Variants in WDR7 observed in about 807,000 individuals in gnomAD.
WDR7 encodes the protein WD repeat-containing protein 7.
WDR7 carries 46 observed loss-of-function variants against 169.4 expected under a neutral mutation model. The observed-to-expected ratio is 0.27, with a 90% CI of 0.21 to 0.35. WDR7 has a LOEUF of 0.35. WDR7 is among the 10% of genes least tolerant of loss of function. The pLI is 1.00. For synonymous variants in WDR7, 612 were observed against 666.8 expected, an observed-to-expected ratio of 0.92 and a Z score of 1.27; for missense variants, 1,534 against 1,859.3, an observed-to-expected ratio of 0.83 and a Z score of 3.22.
intron 2 of WDR7, among the ~76,000 whole-genome samples, chr18:56,678,839 C>G (rs557894742): frequency 2.0e-5 from 3 of 152,266 alleles, no homozygotes; most frequent in African/African-American, 7.2e-5. Flanking sequence ...CCTTGATGGG[C>G]TTGGACAAGA....
chr18:56,853,778 T>C (rs2045676321), intron 20 of WDR7, among the ~76,000 whole-genome samples: 1 of 152,210 alleles, frequency 6.6e-6, no homozygotes, highest in Non-Finnish European at 1.5e-5. Flanking sequence ...TTCACCCATT[T>C]TAAGCTTAAA....
chr18:56,956,785 T>C (rs2047256428), intron 25 of WDR7, among the ~76,000 whole-genome samples: 1 of 152,202 alleles, frequency 6.6e-6, no homozygotes, highest in African/African-American at 2.4e-5. Flanking sequence ...CGATTTTAAA[T>C]AATTTTTCTT....
intron 19 of WDR7, among the ~76,000 whole-genome samples, chr18:56,805,896 T>C (rs2044765556): frequency 6.6e-6 from 1 of 152,190 alleles, no homozygotes; most frequent in Admixed American, 6.5e-5. Context: ...TTAGCCTCAT[T>C]GCCTACCTCT....
chr18:56,656,387 C>T (rs889309587), intron 1 of WDR7, among the ~76,000 whole-genome samples: 1 of 150,254 alleles, frequency 6.7e-6, no homozygotes, highest in African/African-American at 2.5e-5. Context: ...TCAAGCAATT[C>T]TCCTGCCTCA....
chr18:56,771,393 A>T (rs1244003268), intron 16 of WDR7, among the ~76,000 whole-genome samples: 1 of 152,106 alleles, frequency 6.6e-6, no homozygotes, highest in Non-Finnish European at 1.5e-5. Context: ...AGAGAGGATG[A>T]TGAAGATTGG....
chr18:56,884,886 A>G (rs551498649), intron 21 of WDR7, among the ~76,000 whole-genome samples: 23 of 152,282 alleles, frequency 1.5e-4, no homozygotes, highest in Non-Finnish European at 1.6e-4. Flanking sequence ...CACAGAGTCT[A>G]TTTCACTCCC....
intron 11 of WDR7, among the ~76,000 whole-genome samples, chr18:56,695,422 C>T (rs660373): frequency 0.15 from 23,440 of 151,950 alleles, 2,117 homozygotes; most frequent in African/African-American, 0.24. Flanking sequence ...CCAATTTTAT[C>T]TCTTTGAGAT....
Position 56,938,571 on chromosome 18 carries a change from A to G in WDR7, c.3870A>G (p.Ser1290=), listed in dbSNP as rs1048319875. The change falls in exon 24 of 28, where the codon TCA becomes TCG. Residue 1290 remains serine, a synonymous_variant. Transcript: ENST00000254442. The part of the protein sequence containing the change: ...RHTALAANTQ[S]QQNMHTTTLA... ...CGGCTCTTGCAGCAAATACCCAATCACAGCAGAATATGCACACAACAACTC... is the reference window on the plus strand; with the variant it reads ...CGGCTCTTGCAGCAAATACCCAATCGCAGCAGAATATGCACACAACAACTC... 4.3e-6 allele frequency: 7 copies of G among 1,613,846 alleles called. No homozygotes were observed. Among genetic ancestry groups the G allele is most frequent in the African/African-American group, 1.3e-5 (1 of 74,912 alleles).
chr18:56,918,324 A>G (rs185339422), intron 21 of WDR7, among the ~76,000 whole-genome samples: 22 of 152,280 alleles, frequency 1.4e-4, no homozygotes, highest in Admixed American at 7.8e-4. Flanking sequence ...CATTCTCAAT[A>G]AAGAGTCAGT....
At chr18:56,668,729 A>G (rs550641721) in intron 1 of WDR7, among the ~76,000 whole-genome samples, 4 of 152,328 alleles carry the variant, frequency 2.6e-5, no homozygotes, top group South Asian at 2.1e-4. Context: ...GCATTGCACA[A>G]TTGCACAATT....
At chr18:56,677,797 G>T (rs677965) in intron 2 of WDR7, among the ~76,000 whole-genome samples, 144,046 of 152,208 alleles carry the variant, frequency 0.95, 68,657 homozygotes, top group East Asian at 1. Context: ...TATTTGTATC[G>T]TTCTCTAGAT....
intron 20 of WDR7, among the ~76,000 whole-genome samples, chr18:56,860,868 ATATT>A (rs760037271): frequency 2.1e-4 from 32 of 152,148 alleles, no homozygotes; most frequent in South Asian, 8.3e-4. Context: ...TACAATATAA[ATATT>A]TATGAAGGAG....
In WDR7 at chr18:57,028,629, T is replaced by G. The variant is rs2048402768; in HGVS notation, c.*1422T>G. 2 of 152,218 alleles carry G rather than the reference T, an allele frequency of 1.3e-5. No homozygotes were observed. Among genetic ancestry groups the G allele is most frequent in the Admixed American group, 6.5e-5 (1 of 15,284 alleles). The allele number at this position is 152,218 out of a possible 1,614,324, so 9.4% of individuals were successfully genotyped here. A position where few individuals can be genotyped will look rare whatever the true frequency, so the allele number is the denominator to read the frequency against. ...AAAATGATAATGGGAGAATTTAGTC[T>G]TAAAAGTTTAGGTTGTCAGAGTTTA... On this transcript the variant is annotated 3_prime_UTR_variant, in exon 28 of 28. Transcript: ENST00000254442.
chr18:56,698,669 T>C (rs562465833), intron 12 of WDR7, among the ~76,000 whole-genome samples: 109 of 152,180 alleles, frequency 7.2e-4, no homozygotes, highest in Non-Finnish European at 1.4e-3. Flanking sequence ...CTATTTGTAT[T>C]TAAAAATAAA....
intron 2 of WDR7, among the ~76,000 whole-genome samples, chr18:56,675,109 A>C (rs1176976779): frequency 6.6e-6 from 1 of 152,144 alleles, no homozygotes; most frequent in Non-Finnish European, 1.5e-5. Context: ...TCACTGTCTT[A>C]ATTACTATTG....
At position 56,911,918 on chromosome 18, in the gene WDR7, C is replaced by T. The variant is rs2046557254; in HGVS notation, c.3527-12004C>T. On this transcript the variant is annotated intron_variant, in intron 21 of 27. Coordinates refer to ENST00000254442, the MANE Select transcript of WDR7 (RefSeq NM_015285.3). ...AATGTCATTGTTTGGGTTTTATGTACTTTTTAATAATACTTTAATTCTTAA... is the reference window on the plus strand; with the variant it reads ...AATGTCATTGTTTGGGTTTTATGTATTTTTTAATAATACTTTAATTCTTAA... 2.6e-5 allele frequency among the ~76,000 whole-genome samples: 4 copies of T among 152,230 alleles called. No individual in the cohort carries two copies. The South Asian group carries it at 8.3e-4, about 32-fold the overall frequency.
At chr18:56,678,246 G>A (rs750305813) in intron 2 of WDR7, among the ~76,000 whole-genome samples, 8 of 152,146 alleles carry the variant, frequency 5.3e-5, no homozygotes, top group Non-Finnish European at 1.2e-4. Context: ...GAACAGTCAC[G>A]TATTTGTTTC....
chr18:56,751,224 G>A (rs2043786047), intron 14 of WDR7, among the ~76,000 whole-genome samples: 1 of 152,094 alleles, frequency 6.6e-6, no homozygotes, highest in African/African-American at 2.4e-5. Flanking sequence ...ATGCACATGG[G>A]CTGTCTGCTG....
chr18:56,981,260 A>G (rs1384214481), intron 26 of WDR7, among the ~76,000 whole-genome samples: 1 of 152,234 alleles, frequency 6.6e-6, no homozygotes, highest in Admixed American at 6.5e-5. Flanking sequence ...GATGGGAAAC[A>G]TTGGAAGAGG....
Sources: allele counts gnomAD v4.1 joint callset (sites outside exome capture counted in the v4.1 genomes callset), GRCh38; gene constraint gnomAD v4.1.1; transcripts MANE v1.5; gene names NCBI Gene and HGNC (gene_info 2026-07-23, HGNC 2026-07-21).